ANKRD28: variants seen among roughly 807,000 people sequenced by gnomAD.
ANKRD28 encodes the protein ankyrin repeat domain 28.
ANKRD28 carries 44 observed loss-of-function variants against 126.5 expected under a neutral mutation model. The observed-to-expected ratio is 0.35, with a 90% CI of 0.27 to 0.45. ANKRD28 has a LOEUF of 0.45. Among genes scored for constraint, ANKRD28 ranks in the 20% least tolerant of loss-of-function variants. The probability of loss-of-function intolerance (pLI) is 1.00; values close to 1 mark genes in which losing one functional copy is unlikely to be tolerated. For missense variants in ANKRD28, 1,110 were observed against 1,316.6 expected, an observed-to-expected ratio of 0.84 and a Z score of 2.43; for synonymous variants, 442 against 468.5, an observed-to-expected ratio of 0.94 and a Z score of 0.73.
chr3:15,697,176 A>C (rs1372984336), intron 14 of ANKRD28: 1 of 152,226 alleles, frequency 6.6e-6, no homozygotes, highest in African/African-American at 2.4e-5. Flanking sequence ...TTCTAAGTGA[A>C]GCAATTCAGG....
chr3:15,678,317 C>A lies in ANKRD28; in HGVS notation c.2599G>T (p.Glu867Ter). Residue 867 changes from glutamate to a stop codon, truncating the protein, a stop_gained, in exon 24 of 28, where the codon GAG (glutamate) becomes TAG (stop). Coordinates refer to ENST00000683139, the MANE Select transcript of ANKRD28 (RefSeq NM_001349278.2). LOFTEE classifies it high-confidence loss of function. The stretch of plus-strand genomic sequence containing the variant: ...TGGCTGAGCAGCAGCTGTAAACACT[C>A]TACATGGTCTGTGAAGGCGGCTGCA... ...LHAAAFTDHV[E>*]CLQLLLSHNA... 1 of 1,611,316 alleles carries A rather than the reference C, an allele frequency of 6.2e-7. No individual in the cohort carries two copies. Among genetic ancestry groups the A allele is most frequent in the South Asian group, 1.1e-5 (1 of 90,714 alleles).
intron 10 of ANKRD28, among the ~76,000 whole-genome samples, chr3:15,712,578 A>T (rs1019323330): frequency 2.0e-5 from 3 of 152,196 alleles, no homozygotes; most frequent in Non-Finnish European, 2.9e-5. Flanking sequence ...ACAACCAAAA[A>T]TGTATCTGGA....
intron 2 of ANKRD28, chr3:15,781,442 A>G (rs1399751326): frequency 6.6e-6 from 1 of 152,160 alleles, no homozygotes. Flanking sequence ...AGTGATGGAT[A>G]TATTAGCTTG....
intron 2 of ANKRD28, among the ~76,000 whole-genome samples, chr3:15,794,612 T>C (rs2060195195): frequency 6.6e-6 from 1 of 152,164 alleles, no homozygotes; most frequent in Non-Finnish European, 1.5e-5. Context: ...AAATTATCCA[T>C]ATATCCACCT....
intron 2 of ANKRD28, among the ~76,000 whole-genome samples, chr3:15,779,421 T>C (rs1163989896): frequency 6.6e-6 from 1 of 152,228 alleles, no homozygotes; most frequent in Non-Finnish European, 1.5e-5. Flanking sequence ...AAAGAGCTTA[T>C]ATGCTTATAG....
chr3:15,791,268 A>T (rs1163628482), intron 2 of ANKRD28, among the ~76,000 whole-genome samples: 1 of 152,092 alleles, frequency 6.6e-6, no homozygotes, highest in Non-Finnish European at 1.5e-5. Context: ...AAAAAATACT[A>T]AAATTTATAT....
intron 3 of ANKRD28, among the ~76,000 whole-genome samples, chr3:15,754,547 C>G (rs1309739087): frequency 6.6e-6 from 1 of 151,956 alleles, no homozygotes; most frequent in Non-Finnish European, 1.5e-5. Context: ...AATCTTCTAC[C>G]TGAAATTCTG....
rs766175572 is a variant in ANKRD28 at position 15,797,894 on chromosome 3, C to T, written c.-1373G>A. 67 of 985,276 alleles carry T rather than the reference C, an allele frequency of 6.8e-5. No homozygotes were observed. The highest frequency in any genetic ancestry group is 1.6e-4 in the African/African-American group (9 of 57,226). 61.0% of individuals were successfully genotyped at this position (985,276 alleles called of 1,614,324 possible). Reference sequence around the variant, plus strand: ...TATCAGTCCCACAGAAGCATTCCAACGGAGCAACAGTCTGAAGAGCAAAGA... The same window carrying T: ...TATCAGTCCCACAGAAGCATTCCAATGGAGCAACAGTCTGAAGAGCAAAGA... On this transcript the variant is annotated 5_prime_UTR_variant, in exon 1 of 28. Transcript: ENST00000683139.
intron 1 of ANKRD28, among the ~76,000 whole-genome samples, chr3:15,837,508 CAT>C (rs370844149): frequency 1.3e-5 from 2 of 152,090 alleles, no homozygotes; most frequent in African/African-American, 4.8e-5. Flanking sequence ...GAAATCCAAA[CAT>C]GTTTGAAAAT....
At chr3:15,714,487 A>G (rs757963371) in intron 9 of ANKRD28, 91 bp downstream of exon 9, 27 of 902,932 alleles carry the variant, frequency 3.0e-5, no homozygotes, top group Middle Eastern at 3.1e-4. Flanking sequence ...TGCGATGACA[A>G]TTCCTCAATA....
chr3:15,818,644 A>C (rs184925635), intron 1 of ANKRD28, among the ~76,000 whole-genome samples: 5 of 152,360 alleles, frequency 3.3e-5, no homozygotes, highest in African/African-American at 1.2e-4. Flanking sequence ...AATTTTAACA[A>C]CACACTGTAA....
intron 18 of ANKRD28, among the ~76,000 whole-genome samples, chr3:15,689,573 G>C (rs1317485217): frequency 1.3e-5 from 2 of 152,220 alleles, no homozygotes; most frequent in African/African-American, 4.8e-5. Flanking sequence ...CATGAGAGCA[G>C]GACAGTTTTA....
Position 15,696,256 on chromosome 3 carries a change from C to T in ANKRD28, c.1548-11G>A. On this transcript the variant is annotated splice_polypyrimidine_tract_variant and intron_variant, in intron 14 of 27. Transcript: ENST00000683139. ...AAGTATTCCAGGCACCTATATACAACAACAACAACATACTGAAAATCCTAA... is the reference window on the plus strand; with the variant it reads ...AAGTATTCCAGGCACCTATATACAATAACAACAACATACTGAAAATCCTAA... 6.7e-7 allele frequency: 1 copy of T among 1,492,550 alleles called. No individual in the cohort carries two copies. The highest frequency in any genetic ancestry group is 2.3e-5 in the East Asian group (1 of 42,768). 92.5% of individuals were successfully genotyped at this position (1,492,550 alleles called of 1,614,324 possible).
intron 2 of ANKRD28, among the ~76,000 whole-genome samples, chr3:15,790,570 A>C (rs760869177): frequency 1.2e-3 from 182 of 152,248 alleles, no homozygotes; most frequent in Non-Finnish European, 1.5e-3. Context: ...TTGAAAAAAC[A>C]TTTGATTAAA....
At chr3:15,715,640 T>C (rs1382761602) in intron 8 of ANKRD28, among the ~76,000 whole-genome samples, 1 of 152,168 alleles carries the variant, frequency 6.6e-6, no homozygotes, top group Non-Finnish European at 1.5e-5. Context: ...AACCTAAGCA[T>C]GAATCTCAGA....
intron 4 of ANKRD28, among the ~76,000 whole-genome samples, chr3:15,749,722 G>A (rs536300753): frequency 8.5e-5 from 13 of 152,196 alleles, no homozygotes; most frequent in Non-Finnish European, 1.3e-4. Context: ...CTTCCCCTAG[G>A]AATGGGTATT....
intron 3 of ANKRD28, among the ~76,000 whole-genome samples, chr3:15,752,532 T>C (rs541822316): frequency 6.6e-6 from 1 of 152,326 alleles, no homozygotes; most frequent in Non-Finnish European, 1.5e-5. Flanking sequence ...TTATCTCCCA[T>C]ATTAAATCCA....
At chr3:15,726,339 C>T (rs2455844) in intron 6 of ANKRD28, among the ~76,000 whole-genome samples, 109,465 of 152,090 alleles carry the variant, frequency 0.72, 39,597 homozygotes, top group East Asian at 0.93. Flanking sequence ...GAAAAATTCT[C>T]CAAGAAAATT....
intron 6 of ANKRD28, chr3:15,733,473 T>G (rs1185880325): frequency 6.6e-6 from 1 of 152,236 alleles, no homozygotes; most frequent in Non-Finnish European, 1.5e-5. Flanking sequence ...TTTTCTTTTC[T>G]GTGGACATAC....
Sources: gnomAD v4.1 joint callset for allele counts (sites outside exome capture counted in the v4.1 genomes callset) on GRCh38, gnomAD v4.1.1 for gene constraint, MANE v1.5 for transcripts, NCBI Gene and HGNC (gene_info 2026-07-23, HGNC 2026-07-21) for gene names.